Variants in TACR3 observed in about 807,000 individuals in gnomAD.
TACR3 encodes the protein tachykinin receptor 3.
In TACR3, 34 loss-of-function variants were observed where a neutral mutation model predicts 35.0. The observed-to-expected ratio is 0.97, with a 90% CI of 0.74 to 1.30. The LOEUF (loss-of-function observed/expected upper bound fraction) is 1.30. TACR3 is among the 50% of genes most tolerant of loss of function. TACR3 has a pLI of 0.00. For missense variants in TACR3, 558 were observed against 591.7 expected (o/e 0.94, Z 0.59); for synonymous variants, 233 against 221.1 (o/e 1.05, Z -0.48).
At chr4:103,664,005 A>T (rs1725887437) in intron 1 of TACR3, among the ~76,000 whole-genome samples, 1 of 152,212 alleles carries the variant, frequency 6.6e-6, no homozygotes, top group Non-Finnish European at 1.5e-5. Context: ...AGATTCTTAA[A>T]GACATTAGAA....
intron 3 of TACR3, among the ~76,000 whole-genome samples, chr4:103,629,845 C>CAAAAA (rs1487546451): frequency 5.0e-5 from 3 of 59,548 alleles, no homozygotes; most frequent in African/African-American, 1.7e-4. Context: ...CAATCCTAAG[C>CAAAAA]AAAACAAAAA....
rs188559905 is a variant in TACR3 at position 103,659,438 on chromosome 4, T to C, written c.549-1035A>G. 5.9e-5 allele frequency among the ~76,000 whole-genome samples: 9 copies of C among 152,308 alleles called. No individual in the cohort carries two copies. The East Asian group carries it at 1.7e-3, about 29-fold the overall frequency. On this transcript the variant is annotated intron_variant, in intron 1 of 4. Coordinates refer to ENST00000304883, the MANE Select transcript of TACR3 (RefSeq NM_001059.3). ...ATTTCTAGAGAAATAATATGGATTA[T>C]ACCACATACTTGACAAAGATGTGAA...
chr4:103,606,646 G>A (rs1390636688), intron 3 of TACR3, among the ~76,000 whole-genome samples: 1 of 152,058 alleles, frequency 6.6e-6, no homozygotes, highest in African/African-American at 2.4e-5. Flanking sequence ...GTATAAGAAT[G>A]CTTGTGATTT....
At chr4:103,604,924 C>T (rs1212219487) in intron 3 of TACR3, among the ~76,000 whole-genome samples, 3 of 150,404 alleles carry the variant, frequency 2.0e-5, no homozygotes, top group Admixed American at 6.6e-5. Flanking sequence ...TGGTGCACTG[C>T]ACCCACTAAC....
intron 3 of TACR3, among the ~76,000 whole-genome samples, chr4:103,606,788 C>G (rs1297297445): frequency 2.0e-5 from 3 of 152,152 alleles, no homozygotes; most frequent in Non-Finnish European, 4.4e-5. Flanking sequence ...TTGACTTCCT[C>G]TTTTCCTAAT....
intron 1 of TACR3, among the ~76,000 whole-genome samples, chr4:103,716,165 G>A (rs1463228313): frequency 1.3e-5 from 2 of 151,812 alleles, no homozygotes; most frequent in African/African-American, 2.4e-5. Flanking sequence ...GGCAAATTGG[G>A]GAAGGATGGT....
intron 3 of TACR3, among the ~76,000 whole-genome samples, chr4:103,602,814 CCATTTAGG>C (rs1247562720): frequency 6.6e-6 from 1 of 152,160 alleles, no homozygotes; most frequent in Non-Finnish European, 1.5e-5. Context: ...AGGGTGCCTC[CCATTTAGG>C]CTACTCGGGG....
chr4:103,717,682 T>C (rs1350602552), intron 1 of TACR3, among the ~76,000 whole-genome samples: 1 of 151,990 alleles, frequency 6.6e-6, no homozygotes, highest in Admixed American at 6.6e-5. Context: ...AAAAAACATA[T>C]ACTATAAGAA....
In TACR3 at chr4:103,604,842, T is replaced by C. The variant is rs140912158; in HGVS notation, c.889-13159A>G. On this transcript the variant is annotated intron_variant, in intron 3 of 4. Transcript: ENST00000304883. ...ATAATTCTTTTTTTTTTCTTTTTATTATTATACTTTAAGTTTTAGGGTACA... is the reference window on the plus strand; with the variant it reads ...ATAATTCTTTTTTTTTTCTTTTTATCATTATACTTTAAGTTTTAGGGTACA... 7.3e-3 allele frequency among the ~76,000 whole-genome samples: 1,075 copies of C among 147,692 alleles called. 8 individuals carry two copies. Among genetic ancestry groups the C allele is most frequent in the Middle Eastern group, 0.017 (5 of 290 alleles).
intron 1 of TACR3, among the ~76,000 whole-genome samples, chr4:103,669,818 G>C (rs941388013): frequency 2.6e-5 from 4 of 151,388 alleles, no homozygotes; most frequent in Non-Finnish European, 4.4e-5. Context: ...TTTTTCATTG[G>C]TGTGATCCCA....
chr4:103,627,352 TAAAAAAAAA>T (rs869215834), intron 3 of TACR3, among the ~76,000 whole-genome samples: 14,542 of 82,376 alleles, frequency 0.18, 1,026 homozygotes, highest in Middle Eastern at 0.28. Flanking sequence ...GTGTTTCCAT[TAAAAAAAAA>T]AAAAAAAAAA....
chr4:103,673,825 A>C (rs570843018), intron 1 of TACR3, among the ~76,000 whole-genome samples: 1 of 152,306 alleles, frequency 6.6e-6, no homozygotes, highest in South Asian at 2.1e-4. Context: ...CCTATAAATA[A>C]TATTTCTAGT....
chr4:103,708,043 C>T (rs902359887), intron 1 of TACR3, among the ~76,000 whole-genome samples: 1 of 152,194 alleles, frequency 6.6e-6, no homozygotes, highest in Non-Finnish European at 1.5e-5. Flanking sequence ...CTCAAGGAGG[C>T]CTGCCTGCCT....
intron 3 of TACR3, among the ~76,000 whole-genome samples, chr4:103,616,320 T>TGTGTGTC (rs1201329545): frequency 8.3e-6 from 1 of 121,132 alleles, no homozygotes; most frequent in Non-Finnish European, 1.8e-5. Context: ...GTGTGTGTGT[T>TGTGTGTC]TGTGTATCAC....
chr4:103,656,331 C>A lies in TACR3; in HGVS notation c.751G>T (p.Val251Phe). The A allele has an allele frequency of 1.1e-5, 17 of 1,612,132 alleles. No homozygotes were observed. The highest frequency in any genetic ancestry group is 1.4e-5 in the Non-Finnish European group (17 of 1,178,780). ...PKQHFTYHII[V>F]IILVYCFPLL... ...GGGAAACAGTACACCAGTATAATGA[C>A]GATAATATGGTAACTATGAAAAATA... The change falls in exon 3 of 5, where the codon GTC becomes TTC. Residue 251 changes from valine to phenylalanine, a missense_variant. Physicochemically the swap from Val to Phe is conservative, Grantham distance 50. Coordinates refer to ENST00000304883, the MANE Select transcript of TACR3 (RefSeq NM_001059.3).
At chr4:103,605,133 C>G (rs1422574323) in intron 3 of TACR3, among the ~76,000 whole-genome samples, 2 of 150,698 alleles carry the variant, frequency 1.3e-5, no homozygotes, top group African/African-American at 2.4e-5. Context: ...CAATTTCATC[C>G]ATGTCCCTAC....
chr4:103,706,818 G>T (rs1035736372), intron 1 of TACR3, among the ~76,000 whole-genome samples: 7 of 152,152 alleles, frequency 4.6e-5, no homozygotes, highest in Non-Finnish European at 8.8e-5. Flanking sequence ...GATGAATCAG[G>T]ATCAGCAACT....
At chr4:103,643,688 C>G (rs1725403011) in intron 3 of TACR3, among the ~76,000 whole-genome samples, 1 of 151,660 alleles carries the variant, frequency 6.6e-6, no homozygotes, top group Admixed American at 6.6e-5. Flanking sequence ...TGTCAAAGCT[C>G]TATATAATGA....
intron 3 of TACR3, among the ~76,000 whole-genome samples, chr4:103,605,108 G>T (rs1476129542): frequency 1.3e-5 from 2 of 150,744 alleles, no homozygotes; most frequent in African/African-American, 4.9e-5. Context: ...ATAGTTTACT[G>T]AGAATGATGA....
Sources: gnomAD v4.1 joint callset for allele counts (sites outside exome capture counted in the v4.1 genomes callset) on GRCh38, gnomAD v4.1.1 for gene constraint, MANE v1.5 for transcripts, NCBI Gene and HGNC (gene_info 2026-07-23, HGNC 2026-07-21) for gene names.